The following CYP2C19 variants were observed in gnomAD, a reference collection of about 807,000 sequenced individuals.
The protein encoded by CYP2C19 is cytochrome P450 family 2 subfamily C member 19.
In CYP2C19, 59 loss-of-function variants were observed where a neutral mutation model predicts 40.9. The ratio of observed to expected loss-of-function variants is 1.44; its 90% CI spans 1.17 to 1.79. The LOEUF is 1.79. Among genes scored for constraint, CYP2C19 ranks in the 40% most tolerant of loss-of-function variants. The probability of loss-of-function intolerance (pLI) is 0.00; values close to 1 mark genes in which losing one functional copy is unlikely to be tolerated. For synonymous variants in CYP2C19, 253 were observed against 208.7 expected (o/e 1.21, Z -1.83); for missense variants, 754 against 596.9 (o/e 1.26, Z -2.74).
rs534545183 is a variant in CYP2C19, at chr10:94,766,557, G to C, written c.168+3684G>C. On this transcript the variant is annotated intron_variant, in intron 1 of 8. Transcript: ENST00000371321. ...TAATAATATGATGAAATAGTAAAAGGGTTCCATTAAAGGGGCAAGAAGAGG... is the reference window on the plus strand; with the variant it reads ...TAATAATATGATGAAATAGTAAAAGCGTTCCATTAAAGGGGCAAGAAGAGG... Among the ~76,000 whole-genome samples the C allele has an allele frequency of 3.9e-5, 6 of 152,150 alleles. No homozygotes were observed. The East Asian group carries it at 1.2e-3, about 29-fold the overall frequency.
At chr10:94,777,361 A>G (rs1397081699) in intron 3 of CYP2C19, among the ~76,000 whole-genome samples, 1 of 152,202 alleles carries the variant, frequency 6.6e-6, no homozygotes, top group Non-Finnish European at 1.5e-5. Flanking sequence ...CTAAGCAAAA[A>G]GAACAAAGCT....
Position 94,775,808 on chromosome 10 carries a change from A to G in CYP2C19, c.481+269A>G, listed in dbSNP as rs1040209312. 20 of 537,702 alleles carry G rather than the reference A, an allele frequency of 3.7e-5. No homozygotes were observed. The South Asian group carries it at 4.6e-4, about 12-fold the overall frequency. The allele number at this position is 537,702 out of a possible 1,614,324, so 33.3% of individuals were successfully genotyped here. A position where few individuals can be genotyped will look rare whatever the true frequency, so the allele number is the denominator to read the frequency against. On this transcript the variant is annotated intron_variant, in intron 3 of 8. Coordinates refer to ENST00000371321, the MANE Select transcript of CYP2C19 (RefSeq NM_000769.4). Reference sequence around the variant, plus strand: ...TTGCTTCTTTGTTTTCAAATAAGAAATGATGAATATAGATTTTGAGTTCAT... The same window carrying G: ...TTGCTTCTTTGTTTTCAAATAAGAAGTGATGAATATAGATTTTGAGTTCAT...
intron 6 of CYP2C19, among the ~76,000 whole-genome samples, chr10:94,830,510 C>T (rs977124397): frequency 1.1e-4 from 17 of 152,168 alleles, no homozygotes; most frequent in East Asian, 5.8e-4. Context: ...CGCCCTGCTT[C>T]GGCTCCCGCA....
At chr10:94,779,605 G>A (rs2134239155) in intron 3 of CYP2C19, among the ~76,000 whole-genome samples, 1 of 125,794 alleles carries the variant, frequency 7.9e-6, no homozygotes, top group South Asian at 2.4e-4. Context: ...TCTTTTGCCA[G>A]GCTGAAGTGC....
intron 5 of CYP2C19, among the ~76,000 whole-genome samples, chr10:94,788,862 C>T (rs940954088): frequency 6.6e-6 from 1 of 152,128 alleles, no homozygotes; most frequent in Admixed American, 6.5e-5. Context: ...GGTATATACC[C>T]AGTAATGGGA....
chr10:94,789,979 T>C lies in CYP2C19; in HGVS notation c.819+7982T>C, dbSNP rs142317497. Among the ~76,000 whole-genome samples, 3 of 152,300 alleles carry C rather than the reference T, an allele frequency of 2.0e-5. No homozygotes were observed. In the East Asian group the frequency reaches 5.8e-4, roughly 29 times the overall value. On this transcript the variant is annotated intron_variant, in intron 5 of 8. Transcript: ENST00000371321. Reference sequence around the variant, plus strand: ...TATTGTTTCTTCCTATCCATGAGCATGGAATGTTCTTGCATTTGTTTGTGT... The same window carrying C: ...TATTGTTTCTTCCTATCCATGAGCACGGAATGTTCTTGCATTTGTTTGTGT...
At chr10:94,851,509 G>T (rs1257337205) in intron 8 of CYP2C19, among the ~76,000 whole-genome samples, 1 of 151,848 alleles carries the variant, frequency 6.6e-6, no homozygotes, top group Admixed American at 6.6e-5. Context: ...AAGAAATTAT[G>T]ATTCTAGGTG....
chr10:94,812,519 C>T (rs537400871), intron 5 of CYP2C19, among the ~76,000 whole-genome samples: 6 of 152,148 alleles, frequency 3.9e-5, no homozygotes, highest in African/African-American at 9.7e-5. Flanking sequence ...ACCAATCAAA[C>T]GTAGATTTGG....
At chr10:94,813,611 CA>C (rs1176850708) in intron 5 of CYP2C19, among the ~76,000 whole-genome samples, 2 of 151,910 alleles carry the variant, frequency 1.3e-5, no homozygotes, top group African/African-American at 4.8e-5. Context: ...CAAGCCTCAA[CA>C]ATGGCAGACT....
chr10:94,774,936 T>C (rs1848385668), intron 1 of CYP2C19, 122 bp from the exon 2 acceptor site: 2 of 1,032,698 alleles, frequency 1.9e-6, no homozygotes, highest in South Asian at 1.7e-5. Context: ...AATTCAGAAA[T>C]ATTTGAGCCT....
intron 3 of CYP2C19, chr10:94,776,478 A>T (rs945225718): frequency 6.6e-6 from 1 of 152,158 alleles, no homozygotes; most frequent in South Asian, 2.1e-4. Context: ...TCTGTTTTCC[A>T]AATGAAGTGA....
At chr10:94,778,831 C>T (rs1564662380) in intron 3 of CYP2C19, among the ~76,000 whole-genome samples, 1 of 152,112 alleles carries the variant, frequency 6.6e-6, no homozygotes, top group Non-Finnish European at 1.5e-5. Context: ...TATTGCAGCA[C>T]TATTTACAAT....
At position 94,780,521 on chromosome 10, in the gene CYP2C19, C is replaced by T; in HGVS notation, c.504C>T (p.Phe168=). The T allele has an allele frequency of 6.2e-7, 1 of 1,613,694 alleles. No homozygotes were observed. Among genetic ancestry groups the T allele is most frequent in the South Asian group, 1.1e-5 (1 of 91,046 alleles). The change falls in exon 4 of 9, where the codon TTC becomes TTT. Residue 168 remains phenylalanine, a synonymous_variant. Coordinates refer to ENST00000371321, the MANE Select transcript of CYP2C19 (RefSeq NM_000769.4). ...TAGCTTCACCCTGTGATCCCACTTT[C>T]ATCCTGGGCTGTGCTCCCTGCAATG... is the stretch of plus-strand genomic sequence containing the variant. The part of the protein sequence containing the change: ...KTKASPCDPT[F]ILGCAPCNVI...
At chr10:94,775,840 A>G in intron 3 of CYP2C19, 1 of 445,838 alleles carries the variant, frequency 2.2e-6, no homozygotes, top group Non-Finnish European at 4.1e-6. Flanking sequence ...TCATTTTTTG[A>G]AAGAGTTAAA....
intron 5 of CYP2C19, among the ~76,000 whole-genome samples, chr10:94,794,014 C>T (rs567246237): frequency 1.4e-3 from 212 of 152,190 alleles, no homozygotes; most frequent in Non-Finnish European, 2.3e-3. Flanking sequence ...CCACCCAGTT[C>T]GAGCTTCCTG....
chr10:94,777,860 C>T (rs1848429553), intron 3 of CYP2C19, among the ~76,000 whole-genome samples: 1 of 152,062 alleles, frequency 6.6e-6, no homozygotes, highest in African/African-American at 2.4e-5. Flanking sequence ...AACAGGCAAC[C>T]TACAGAATGG....
chr10:94,783,815 C>T (rs566919798), intron 5 of CYP2C19, among the ~76,000 whole-genome samples: 23 of 152,172 alleles, frequency 1.5e-4, no homozygotes, highest in African/African-American at 5.3e-4. Context: ...AATTTAGGAT[C>T]AACTTGTCAA....
At chr10:94,847,622 T>G (rs1849592925) in intron 7 of CYP2C19, among the ~76,000 whole-genome samples, 1 of 152,188 alleles carries the variant, frequency 6.6e-6, no homozygotes, top group Non-Finnish European at 1.5e-5. Context: ...CAAGCGGTAT[T>G]TCTAGTTCTA....
At chr10:94,822,936 CT>C (rs1393593789) in intron 6 of CYP2C19, among the ~76,000 whole-genome samples, 1 of 150,414 alleles carries the variant, frequency 6.6e-6, no homozygotes, top group Non-Finnish European at 1.5e-5. Flanking sequence ...TTGTTTTTTG[CT>C]TGTTAATTTG....
Sources: gnomAD v4.1 joint callset for allele counts (sites outside exome capture counted in the v4.1 genomes callset) on GRCh38, gnomAD v4.1.1 for gene constraint, MANE v1.5 for transcripts, NCBI Gene and HGNC (gene_info 2026-07-23, HGNC 2026-07-21) for gene names.